The following FAM124A variants were observed in gnomAD, a reference collection of about 807,000 sequenced individuals.
The protein encoded by FAM124A is family with sequence similarity 124 member A.
A neutral mutation model predicts 24.5 loss-of-function variants in FAM124A; 23 were observed. The ratio of observed to expected loss-of-function variants is 0.94; its 90% confidence interval spans 0.68 to 1.33. The LOEUF (loss-of-function observed/expected upper bound fraction) is 1.33, where lower values mean the gene tolerates loss of function less well. Among genes scored for constraint, FAM124A ranks in the 40% most tolerant of loss-of-function variants. The probability of loss-of-function intolerance (pLI) is 0.00; values close to 1 mark genes in which losing one functional copy is unlikely to be tolerated. For missense variants in FAM124A, 623 were observed against 722.8 expected (o/e 0.86, Z 1.58); for synonymous variants, 287 against 314.7 (o/e 0.91, Z 0.93).
intron 1 of FAM124A, among the ~76,000 whole-genome samples, chr13:51,230,076 TA>T (rs1234195957): frequency 1.6e-5 from 2 of 121,566 alleles, no homozygotes; most frequent in African/African-American, 6.9e-5. Flanking sequence ...AATATTGAAT[TA>T]TATATATATA....
chr13:51,224,904 C>T (rs577692451), intron 1 of FAM124A, among the ~76,000 whole-genome samples: 2 of 152,208 alleles, frequency 1.3e-5, no homozygotes, highest in East Asian at 1.9e-4. Flanking sequence ...TCTGTTTCCT[C>T]GCCTTTGTCA....
At chr13:51,239,751 C>T (rs1179925492) in intron 2 of FAM124A, among the ~76,000 whole-genome samples, 2 of 152,236 alleles carry the variant, frequency 1.3e-5, no homozygotes, top group African/African-American at 2.4e-5. Flanking sequence ...GGTGCCATTT[C>T]ACTCTCCCAC....
intron 2 of FAM124A, among the ~76,000 whole-genome samples, chr13:51,248,137 G>A (rs1258200951): frequency 6.6e-6 from 1 of 152,156 alleles, no homozygotes; most frequent in East Asian, 1.9e-4. Flanking sequence ...AGTTGCCAAA[G>A]GACATCTCTC....
chr13:51,277,384 G>A (rs1029601322), intron 3 of FAM124A, among the ~76,000 whole-genome samples: 7 of 152,164 alleles, frequency 4.6e-5, no homozygotes, highest in Non-Finnish European at 8.8e-5. Flanking sequence ...TATTGGGTGC[G>A]CTGTTCACTA....
intron 2 of FAM124A, among the ~76,000 whole-genome samples, chr13:51,241,654 T>C (rs1171938186): frequency 6.6e-6 from 1 of 152,132 alleles, no homozygotes; most frequent in Non-Finnish European, 1.5e-5. Flanking sequence ...ACACATTTTC[T>C]AAGGAGACTT....
At chr13:51,232,549 T>A (rs1954389149) in intron 2 of FAM124A, among the ~76,000 whole-genome samples, 1 of 152,232 alleles carries the variant, frequency 6.6e-6, no homozygotes. Context: ...TCAAATTATA[T>A]TTCATTATTA....
chr13:51,273,238 G>T (rs564863704), intron 3 of FAM124A, among the ~76,000 whole-genome samples: 10 of 152,198 alleles, frequency 6.6e-5, no homozygotes, highest in African/African-American at 2.4e-4. Flanking sequence ...GGCATTTTTG[G>T]TTGTCACAAC....
intron 1 of FAM124A, among the ~76,000 whole-genome samples, chr13:51,226,842 C>T (rs1954320308): frequency 6.6e-6 from 1 of 152,222 alleles, no homozygotes; most frequent in Admixed American, 6.5e-5. Context: ...GGCTCCTCCA[C>T]TTAGGGACTG....
chr13:51,282,885 A>G lies in FAM124A; in HGVS notation c.*1629A>G, dbSNP rs886676196. On this transcript the variant is annotated 3_prime_UTR_variant, in exon 4 of 4. Coordinates refer to ENST00000322475, the MANE Select transcript of FAM124A (RefSeq NM_001242312.2). Reference sequence around the variant, plus strand: ...AAAATATAGTCTCCTAATTCAGGATAAGGAGTAAGCAAACTTTCTGAAAAG... The same window carrying G: ...AAAATATAGTCTCCTAATTCAGGATGAGGAGTAAGCAAACTTTCTGAAAAG... 6.6e-6 allele frequency: 1 copy of G among 152,208 alleles called. No homozygotes were observed. The highest frequency in any genetic ancestry group is 1.5e-5 in the Non-Finnish European group (1 of 68,036). The allele number at this position is 152,208 out of a possible 1,614,324, so 9.4% of individuals were successfully genotyped here.
chr13:51,231,506 G>A, intron 2 of FAM124A, 127 bp downstream of exon 2: 2 of 995,414 alleles, frequency 2.0e-6, no homozygotes, highest in Non-Finnish European at 3.0e-6. Context: ...GCCAAAGAAT[G>A]TGGTACAGGA....
rs3138586 is a variant in FAM124A at position 51,272,566 on chromosome 13, T to TACACACACACAC, written c.835-7867_835-7856dup. ...ACCTATTTTTGTAAATAAAGCCTTATACACACACACACACACACACACACA... is the reference window on the plus strand; with the variant it reads ...ACCTATTTTTGTAAATAAAGCCTTATACACACACACACACACACACACACACACACACACACA... On this transcript the variant is annotated intron_variant, in intron 3 of 3. Coordinates refer to ENST00000322475, the MANE Select transcript of FAM124A (RefSeq NM_001242312.2). The surrounding 1 kb of genome is among the most constrained non-coding windows in gnomAD (Gnocchi z 4.2). 2.3e-3 allele frequency among the ~76,000 whole-genome samples: 345 copies of TACACACACACAC among 148,952 alleles called. 3 individuals carry two copies. The highest frequency in any genetic ancestry group is 8.4e-3 in the African/African-American group (337 of 40,176).
chr13:51,273,708 A>G (rs1160879557), intron 3 of FAM124A, among the ~76,000 whole-genome samples: 1 of 152,242 alleles, frequency 6.6e-6, no homozygotes, highest in Non-Finnish European at 1.5e-5. Context: ...GATAATTCAA[A>G]AACAAAATAC....
chr13:51,239,815 T>C (rs972723674), intron 2 of FAM124A, among the ~76,000 whole-genome samples: 25 of 151,812 alleles, frequency 1.6e-4, no homozygotes, highest in Non-Finnish European at 3.5e-4. Flanking sequence ...CAAAAGATTA[T>C]CTGGATAGAT....
intron 3 of FAM124A, among the ~76,000 whole-genome samples, chr13:51,261,193 G>T (rs947145650): frequency 6.6e-6 from 1 of 152,118 alleles, no homozygotes; most frequent in African/African-American, 2.4e-5. Context: ...CTGGGCAGGG[G>T]TGCAGTGACC....
intron 3 of FAM124A, among the ~76,000 whole-genome samples, chr13:51,260,204 C>T (rs1344773820): frequency 1.3e-5 from 2 of 152,198 alleles, no homozygotes; most frequent in Non-Finnish European, 2.9e-5. Context: ...TATGCCAAGC[C>T]TGAGGCCTGT....
intron 2 of FAM124A, among the ~76,000 whole-genome samples, chr13:51,245,757 G>A (rs1954551666): frequency 6.6e-6 from 1 of 152,144 alleles, no homozygotes; most frequent in Non-Finnish European, 1.5e-5. Context: ...CTATCATAGT[G>A]TTGCTTTAAA....
intron 1 of FAM124A, among the ~76,000 whole-genome samples, chr13:51,222,803 G>A (rs1954275279): frequency 6.6e-6 from 1 of 152,204 alleles, no homozygotes; most frequent in Non-Finnish European, 1.5e-5. Context: ...CACCCATCCT[G>A]TGAGGCGATG....
intron 2 of FAM124A, among the ~76,000 whole-genome samples, chr13:51,246,445 C>T (rs929163586): frequency 4.2e-5 from 6 of 144,176 alleles, no homozygotes; most frequent in African/African-American, 1.5e-4. Flanking sequence ...CAGCTTGAAG[C>T]TGCGTTCTGT....
At chr13:51,247,675 C>A (rs941425977) in intron 2 of FAM124A, among the ~76,000 whole-genome samples, 2 of 152,148 alleles carry the variant, frequency 1.3e-5, no homozygotes, top group Non-Finnish European at 1.5e-5. Context: ...ACCCCTCGTT[C>A]AAAGCCTTTC....
Sources: allele counts gnomAD v4.1 joint callset (sites outside exome capture counted in the v4.1 genomes callset), GRCh38; gene constraint gnomAD v4.1.1; non-coding constraint Gnocchi (gnomAD v3.1); transcripts MANE v1.5; gene names NCBI Gene and HGNC (gene_info 2026-07-23, HGNC 2026-07-21).